CHL1: variants seen among roughly 807,000 people sequenced by gnomAD.
The protein encoded by CHL1 is cell adhesion molecule L1 like.
In CHL1, 96 loss-of-function variants were observed where a neutral mutation model predicts 141.9. The ratio of observed to expected loss-of-function variants is 0.68; its 90% confidence interval spans 0.57 to 0.80. CHL1 has a LOEUF of 0.80. CHL1 is among the 30% of genes least tolerant of loss of function. The pLI is 0.00. For missense variants in CHL1, 1,820 were observed against 1,457.2 expected (o/e 1.25, Z -4.05); for synonymous variants, 613 against 502.2 (o/e 1.22, Z -2.95).
chr3:325,958 G>C lies in CHL1; in HGVS notation c.92-1G>C, dbSNP rs1167207031. The C allele has an allele frequency of 6.3e-7, 1 of 1,598,810 alleles. No individual in the cohort carries two copies. The highest frequency in any genetic ancestry group is 8.6e-7 in the Non-Finnish European group (1 of 1,168,630). ...TTTTAAGTACATATTTTAATATTTA[G>C]TTCAACAGGTTCCAACAATCATAAA... On this transcript the variant is annotated splice_acceptor_variant, in intron 3 of 27. Coordinates refer to ENST00000256509, the MANE Select transcript of CHL1 (RefSeq NM_006614.4). LOFTEE classifies it high-confidence loss of function.
intron 2 of CHL1, among the ~76,000 whole-genome samples, chr3:318,085 T>C (rs557808118): frequency 1.9e-4 from 29 of 151,868 alleles, no homozygotes; most frequent in African/African-American, 5.1e-4. Flanking sequence ...ATTCACAACT[T>C]TTTTGGAGGT....
At chr3:368,850 G>C (rs1035970606) in intron 15 of CHL1, among the ~76,000 whole-genome samples, 2 of 152,194 alleles carry the variant, frequency 1.3e-5, no homozygotes, top group Admixed American at 6.5e-5. Flanking sequence ...TTGAATAGGA[G>C]ATCCTTTCCC....
chr3:214,310 G>A (rs1485215866), intron 1 of CHL1, among the ~76,000 whole-genome samples: 2 of 152,064 alleles, frequency 1.3e-5, no homozygotes, highest in African/African-American at 2.4e-5. Flanking sequence ...AGGCACTCAG[G>A]TAAGGCTATT....
At chr3:358,647 T>G (rs1703932547) in intron 11 of CHL1, among the ~76,000 whole-genome samples, 1 of 152,018 alleles carries the variant, frequency 6.6e-6, no homozygotes, top group Non-Finnish European at 1.5e-5. Context: ...CTTTGGGCAG[T>G]GGGGACACAC....
At chr3:354,085 T>C (rs894366429) in intron 10 of CHL1, among the ~76,000 whole-genome samples, 6 of 152,144 alleles carry the variant, frequency 3.9e-5, no homozygotes, top group Non-Finnish European at 5.9e-5. Context: ...TTTGGGCTTC[T>C]CTCTCTCCCC....
chr3:264,231 C>G (rs1027929885), intron 2 of CHL1, among the ~76,000 whole-genome samples: 2 of 152,158 alleles, frequency 1.3e-5, no homozygotes, highest in African/African-American at 4.8e-5. Context: ...ACTTTTAAAG[C>G]AAGCCCACAC....
intron 2 of CHL1, among the ~76,000 whole-genome samples, chr3:284,299 A>G (rs751346041): frequency 6.6e-6 from 1 of 152,226 alleles, no homozygotes; most frequent in South Asian, 2.1e-4. Flanking sequence ...GAGGAAAACA[A>G]ACAAAGATGT....
At chr3:313,231 T>G (rs1699895690) in intron 2 of CHL1, among the ~76,000 whole-genome samples, 1 of 152,204 alleles carries the variant, frequency 6.6e-6, no homozygotes, top group Non-Finnish European at 1.5e-5. Flanking sequence ...GAATTTGCTG[T>G]GTTATATTTT....
chr3:340,747 T>C, intron 5 of CHL1, 47 bp from the exon 6 acceptor site: 4 of 1,464,224 alleles, frequency 2.7e-6, no homozygotes, highest in Non-Finnish European at 3.8e-6. Flanking sequence ...GTTGTTATAG[T>C]CAAAGTTAAT....
chr3:206,764 A>T (rs1699480108), intron 1 of CHL1, among the ~76,000 whole-genome samples: 1 of 152,208 alleles, frequency 6.6e-6, no homozygotes, highest in Non-Finnish European at 1.5e-5. Context: ...GACCCTGGGC[A>T]TCATTATATG....
intron 27 of CHL1, 73 bp from the exon 28 acceptor site, chr3:405,422 T>A: frequency 9.9e-7 from 1 of 1,011,370 alleles, no homozygotes; most frequent in Non-Finnish European, 1.5e-6. Flanking sequence ...CTTTTATCAC[T>A]TATGACTGTG....
At chr3:301,648 T>C (rs896746254) in intron 2 of CHL1, among the ~76,000 whole-genome samples, 4 of 152,248 alleles carry the variant, frequency 2.6e-5, no homozygotes, top group African/African-American at 9.6e-5. Context: ...TGAAAATCAC[T>C]ACTTCTAAAG....
chr3:294,434 G>C (rs773290042), intron 2 of CHL1, among the ~76,000 whole-genome samples: 2 of 152,194 alleles, frequency 1.3e-5, no homozygotes, highest in Non-Finnish European at 2.9e-5. Flanking sequence ...AGTTACCCAT[G>C]TAATATTATT....
chr3:360,792 C>G (rs1704170717), intron 12 of CHL1, among the ~76,000 whole-genome samples: 1 of 135,586 alleles, frequency 7.4e-6, no homozygotes, highest in Non-Finnish European at 1.5e-5. Context: ...CTTCCTGTGT[C>G]CATGTGATCT....
At chr3:404,213 C>T (rs1460561586) in intron 27 of CHL1, among the ~76,000 whole-genome samples, 2 of 152,144 alleles carry the variant, frequency 1.3e-5, no homozygotes, top group Non-Finnish European at 2.9e-5. Context: ...CACATGTCAC[C>T]TTTGCTCACT....
At chr3:283,332 T>C (rs1003575633) in intron 2 of CHL1, among the ~76,000 whole-genome samples, 1 of 152,232 alleles carries the variant, frequency 6.6e-6, no homozygotes, top group African/African-American at 2.4e-5. Context: ...ATGAATTATG[T>C]GGAGACATGA....
chr3:295,797 A>G (rs557576695), intron 2 of CHL1, among the ~76,000 whole-genome samples: 9 of 152,222 alleles, frequency 5.9e-5, no homozygotes, highest in Non-Finnish European at 7.3e-5. Context: ...ACTATTAACT[A>G]TATGCAAGTT....
At chr3:321,616 AC>A (rs1214287094) in intron 3 of CHL1, among the ~76,000 whole-genome samples, 1 of 152,026 alleles carries the variant, frequency 6.6e-6, no homozygotes, top group Non-Finnish European at 1.5e-5. Flanking sequence ...ATCATTTCTT[AC>A]TTTGTCAGTG....
intron 1 of CHL1, among the ~76,000 whole-genome samples, chr3:215,288 T>A (rs1275950114): frequency 1.3e-5 from 2 of 152,166 alleles, no homozygotes; most frequent in Admixed American, 1.3e-4. Flanking sequence ...GAGGACAATA[T>A]GCTAAGTGAA....
Sources: gnomAD v4.1 joint callset for allele counts (sites outside exome capture counted in the v4.1 genomes callset) on GRCh38, gnomAD v4.1.1 for gene constraint, MANE v1.5 for transcripts, NCBI Gene and HGNC (gene_info 2026-07-23, HGNC 2026-07-21) for gene names.